MBOAT2: variants seen among roughly 807,000 people sequenced by gnomAD.
MBOAT2 encodes membrane bound glycerophospholipid O-acyltransferase 2.
A neutral mutation model predicts 63.4 loss-of-function variants in MBOAT2; 28 were observed. That is an observed-to-expected ratio of 0.44 (90% CI 0.33 to 0.61). MBOAT2 has a LOEUF of 0.61. Ranked by LOEUF, MBOAT2 falls within the 20% of genes least tolerant of loss-of-function variation. The pLI, the probability that MBOAT2 is intolerant of heterozygous loss-of-function variation, is 0.03. For missense variants in MBOAT2, 470 were observed against 605.8 expected (o/e 0.78, Z 2.35); for synonymous variants, 211 against 215.6 (o/e 0.98, Z 0.19).
In MBOAT2 at chr2:8,968,697, G is replaced by C. The variant is rs1670201525; in HGVS notation, c.76-10055C>G. Among the ~76,000 whole-genome samples, 6 of 152,274 alleles carry C rather than the reference G, an allele frequency of 3.9e-5. No individual in the cohort carries two copies. In the South Asian group the frequency reaches 1.2e-3, roughly 32 times the overall value. On this transcript the variant is annotated intron_variant, in intron 1 of 12. Transcript: ENST00000305997. The stretch of plus-strand genomic sequence containing the variant: ...AGAAGTCCTTAAATGACCTGATGTA[G>C]CTGAAAACCATGGCATAAGAACTAG...
Position 8,958,228 on chromosome 2 carries a change from A to G in MBOAT2, c.221+269T>C, listed in dbSNP as rs910476669. Among the ~76,000 whole-genome samples the G allele has an allele frequency of 3.3e-5, 5 of 152,338 alleles. No individual in the cohort carries two copies. The South Asian group carries it at 6.2e-4, about 19-fold the overall frequency. Reference sequence around the variant, plus strand: ...GCAAAATAGGTGTAAAGAACTACTCATGACAGAATCAAATGCCTTTATATC... The same window carrying G: ...GCAAAATAGGTGTAAAGAACTACTCGTGACAGAATCAAATGCCTTTATATC... On this transcript the variant is annotated intron_variant, in intron 2 of 12. Coordinates refer to ENST00000305997, the MANE Select transcript of MBOAT2 (RefSeq NM_138799.4).
At chr2:8,959,395 A>G (rs1669458108) in intron 1 of MBOAT2, among the ~76,000 whole-genome samples, 1 of 152,198 alleles carries the variant, frequency 6.6e-6, no homozygotes, top group Non-Finnish European at 1.5e-5. Context: ...CCAAATAAAA[A>G]GACTGAAAAT....
intron 2 of MBOAT2, among the ~76,000 whole-genome samples, chr2:8,955,912 C>G (rs1669180936): frequency 6.6e-6 from 1 of 152,140 alleles, no homozygotes; most frequent in Non-Finnish European, 1.5e-5. Context: ...AGATTACAAC[C>G]CACTGAAGGC....
At chr2:8,893,954 CATTT>C (rs1664217362) in intron 4 of MBOAT2, among the ~76,000 whole-genome samples, 1 of 151,968 alleles carries the variant, frequency 6.6e-6, no homozygotes, top group Non-Finnish European at 1.5e-5. Context: ...GAAAACACTG[CATTT>C]TTTTTTTTAA....
chr2:8,875,710 C>A (rs969207448), intron 7 of MBOAT2, among the ~76,000 whole-genome samples: 1 of 152,200 alleles, frequency 6.6e-6, no homozygotes. Context: ...ATTGTCTTTA[C>A]CTTCTCTTAC....
rs1661197071 is a variant in MBOAT2, at chr2:8,857,783, T to C, written c.*896A>G. ...AAAGTATCACGAAGTCATTCAACTT[T>C]TTTTTTAAGTCTCACATGACGGCGC... On this transcript the variant is annotated 3_prime_UTR_variant, in exon 13 of 13. Coordinates refer to ENST00000305997, the MANE Select transcript of MBOAT2 (RefSeq NM_138799.4). The C allele has an allele frequency of 6.6e-6, 1 of 152,224 alleles. No homozygotes were observed. 9.4% of individuals were successfully genotyped at this position (152,224 alleles called of 1,614,324 possible).
chr2:8,996,897 C>T (rs1386245773), intron 1 of MBOAT2, among the ~76,000 whole-genome samples: 3 of 152,192 alleles, frequency 2.0e-5, no homozygotes, highest in African/African-American at 4.8e-5. Flanking sequence ...ATCCAAAATA[C>T]TCTCGTGGCT....
At chr2:8,919,143 A>T (rs1666394541) in intron 3 of MBOAT2, among the ~76,000 whole-genome samples, 1 of 152,162 alleles carries the variant, frequency 6.6e-6, no homozygotes, top group East Asian at 1.9e-4. Flanking sequence ...CATTTCGTTT[A>T]TCCTTTCACC....
At chr2:8,929,667 A>G (rs757811108) in intron 3 of MBOAT2, among the ~76,000 whole-genome samples, 76 of 152,336 alleles carry the variant, frequency 5.0e-4, no homozygotes, top group Admixed American at 1.3e-3. Flanking sequence ...CTAACATTTT[A>G]TAGGAGGCAT....
intron 1 of MBOAT2, among the ~76,000 whole-genome samples, chr2:8,986,561 T>C (rs1018399194): frequency 8.7e-5 from 13 of 148,972 alleles, no homozygotes; most frequent in African/African-American, 2.9e-4. Context: ...CGAGATTCTG[T>C]CTTTAAAAAA....
rs979251479 is a variant in MBOAT2 at position 8,917,794 on chromosome 2, T to A, written c.300-9078A>T. 2.0e-5 allele frequency among the ~76,000 whole-genome samples: 3 copies of A among 152,224 alleles called. 1 individual carries two copies. The South Asian group carries it at 6.2e-4, about 31-fold the overall frequency. On this transcript the variant is annotated intron_variant, in intron 3 of 12. Transcript: ENST00000305997. ...ATACTTGAAGAATGTTTCAGAAGTT[T>A]TACTCCTAATAGCCCATTTTTGAAT... is the stretch of plus-strand genomic sequence containing the variant.
intron 3 of MBOAT2, among the ~76,000 whole-genome samples, chr2:8,942,563 T>G (rs79442804): frequency 0.042 from 6,358 of 152,304 alleles, 148 homozygotes; most frequent in Middle Eastern, 0.058. Context: ...CTTCATTGAG[T>G]GTTTACTATA....
chr2:8,903,740 T>C (rs1665133141), intron 4 of MBOAT2, among the ~76,000 whole-genome samples: 1 of 152,190 alleles, frequency 6.6e-6, no homozygotes, highest in Non-Finnish European at 1.5e-5. Flanking sequence ...TGAGTCTCTT[T>C]CTCAGTCCTT....
chr2:8,876,930 G>C, intron 7 of MBOAT2, 100 bp downstream of exon 7: 1 of 1,211,060 alleles, frequency 8.3e-7, no homozygotes, highest in Non-Finnish European at 1.1e-6. Context: ...TATTTTTAAA[G>C]AAACAGATGG....
At chr2:8,995,570 A>AT (rs1672226219) in intron 1 of MBOAT2, among the ~76,000 whole-genome samples, 1 of 150,294 alleles carries the variant, frequency 6.7e-6, no homozygotes. Context: ...AAATATAAAC[A>AT]TTTTTTAAAA....
intron 2 of MBOAT2, among the ~76,000 whole-genome samples, chr2:8,957,358 TG>T (rs944510130): frequency 2.6e-5 from 4 of 152,166 alleles, no homozygotes; most frequent in African/African-American, 7.2e-5. Flanking sequence ...AGACCAGACT[TG>T]GGTCTTATTT....
chr2:8,912,655 C>A (rs1248248827), intron 3 of MBOAT2, among the ~76,000 whole-genome samples: 1 of 152,120 alleles, frequency 6.6e-6, no homozygotes, highest in East Asian at 1.9e-4. Context: ...AAGACCGCTA[C>A]AAGGAAAACT....
chr2:8,858,689 A>G lies in MBOAT2; in HGVS notation c.1553T>C (p.Leu518Pro). ...NQEIASRHSS[L>P]KQ ...TCAGAGCCTTCCCGATCACTGCTTT[A>G]GTGATGAATGTCTCGAGGCTATTTC... is the stretch of plus-strand genomic sequence containing the variant. The change falls in exon 13 of 13, where the codon CTA (leucine) becomes CCA (proline). Residue 518 changes from leucine to proline, a missense_variant. By Grantham distance (98) the Leu-to-Pro change is moderately conservative. This residue lies in a region of MBOAT2 where 90 missense variants were observed against 84.9 expected (regional missense o/e 1.06). Coordinates refer to ENST00000305997, the MANE Select transcript of MBOAT2 (RefSeq NM_138799.4). The G allele has an allele frequency of 6.2e-7, 1 of 1,609,722 alleles. No homozygotes were observed. The highest frequency in any genetic ancestry group is 1.3e-5 in the African/African-American group (1 of 74,632).
At chr2:8,888,405 C>T (rs1228742308) in intron 4 of MBOAT2, among the ~76,000 whole-genome samples, 2 of 152,134 alleles carry the variant, frequency 1.3e-5, no homozygotes, top group African/African-American at 4.8e-5. Context: ...GTAAGAAGCA[C>T]GCAGGCATGA....
Sources: allele counts gnomAD v4.1 joint callset (sites outside exome capture counted in the v4.1 genomes callset), GRCh38; gene constraint gnomAD v4.1.1; regional missense constraint gnomAD v4.1.1; transcripts MANE v1.5; gene names NCBI Gene and HGNC (gene_info 2026-07-23, HGNC 2026-07-21).